Variants in SDK1 observed in about 807,000 individuals in gnomAD.
SDK1 encodes protein sidekick-1.
In SDK1, 157 loss-of-function variants were observed where a neutral mutation model predicts 245.5. That is an observed-to-expected ratio of 0.64 (90% confidence interval 0.56 to 0.73). The LOEUF (loss-of-function observed/expected upper bound fraction) is 0.73, where lower values mean the gene tolerates loss of function less well. SDK1 is among the 30% of genes least tolerant of loss of function. SDK1 has a pLI of 0.00. For missense variants in SDK1, 3,583 were observed against 3,002.3 expected, an observed-to-expected ratio of 1.19 and a Z score of -4.52; for synonymous variants, 1,647 against 1,278.5, an observed-to-expected ratio of 1.29 and a Z score of -6.15.
chr7:3,310,487 A>G (rs1334178804), intron 1 of SDK1, among the ~76,000 whole-genome samples: 2 of 152,176 alleles, frequency 1.3e-5, no homozygotes, highest in African/African-American at 2.4e-5. Flanking sequence ...CAAAAAATAC[A>G]TGGGATTTGG....
chr7:3,931,692 G>A (rs1430046439), intron 5 of SDK1, among the ~76,000 whole-genome samples: 1 of 152,134 alleles, frequency 6.6e-6, no homozygotes, highest in Admixed American at 6.6e-5. Flanking sequence ...GTGGATTTGA[G>A]CTATGCTGGT....
intron 5 of SDK1, among the ~76,000 whole-genome samples, chr7:3,901,368 A>G (rs912676738): frequency 1.3e-5 from 2 of 151,892 alleles, no homozygotes; most frequent in African/African-American, 4.8e-5. Flanking sequence ...TTGTTTTTTT[A>G]ATAGAGACGG....
At chr7:3,560,423 T>G (rs1291742188) in intron 1 of SDK1, among the ~76,000 whole-genome samples, 3 of 152,176 alleles carry the variant, frequency 2.0e-5, no homozygotes, top group African/African-American at 7.2e-5. Flanking sequence ...TTGATGTGTG[T>G]TTTGTTTTTT....
chr7:3,467,484 G>A (rs1053230539), intron 1 of SDK1, among the ~76,000 whole-genome samples: 13 of 151,894 alleles, frequency 8.6e-5, no homozygotes, highest in Admixed American at 2.6e-4. Context: ...AGTAAAACAG[G>A]ATTTTGATTG....
intron 20 of SDK1, among the ~76,000 whole-genome samples, chr7:4,074,856 TTCTCTCTCTCTC>T (rs1159856321): frequency 4.1e-5 from 3 of 72,338 alleles, no homozygotes; most frequent in Non-Finnish European, 7.4e-5. Flanking sequence ...GAGCAAGACT[TTCTCTCTCTCTC>T]TCTCTCTCTC....
chr7:3,597,872 G>A (rs542002597), intron 1 of SDK1, among the ~76,000 whole-genome samples: 1 of 152,106 alleles, frequency 6.6e-6, no homozygotes, highest in Non-Finnish European at 1.5e-5. Flanking sequence ...TCCATGTAGG[G>A]CACTATAAAT....
chr7:3,427,612 C>A (rs971120324), intron 1 of SDK1, among the ~76,000 whole-genome samples: 1 of 151,600 alleles, frequency 6.6e-6, no homozygotes, highest in Non-Finnish European at 1.5e-5. Flanking sequence ...TCTTGTCATA[C>A]GATATAAGAT....
At chr7:3,422,906 C>T (rs949967621) in intron 1 of SDK1, among the ~76,000 whole-genome samples, 1 of 152,238 alleles carries the variant, frequency 6.6e-6, no homozygotes, top group Middle Eastern at 3.4e-3. Context: ...TTGCTAAGTA[C>T]TTAATATTGT....
intron 27 of SDK1, 82 bp downstream of exon 27, chr7:4,130,179 G>A (rs1182164630): frequency 8.7e-6 from 12 of 1,382,054 alleles, no homozygotes; most frequent in Middle Eastern, 2.4e-4. Flanking sequence ...GATTGTTGTC[G>A]CTTTTAACTT....
At chr7:3,589,096 AATT>A (rs1331680882) in intron 1 of SDK1, among the ~76,000 whole-genome samples, 1 of 152,224 alleles carries the variant, frequency 6.6e-6, no homozygotes, top group African/African-American at 2.4e-5. Context: ...AGCAGGGAGA[AATT>A]ATTACCCCCT....
At chr7:3,755,649 G>C (rs533243422) in intron 4 of SDK1, among the ~76,000 whole-genome samples, 2 of 152,026 alleles carry the variant, frequency 1.3e-5, no homozygotes, top group Non-Finnish European at 2.9e-5. Context: ...TCTCCGTGTC[G>C]TTCATTTGTA....
intron 4 of SDK1, among the ~76,000 whole-genome samples, chr7:3,800,281 G>C (rs751521048): frequency 6.6e-6 from 1 of 152,120 alleles, no homozygotes; most frequent in Non-Finnish European, 1.5e-5. Context: ...AAGGATCTTA[G>C]TTCCCATTAT....
At chr7:3,812,219 G>C (rs1305673830) in intron 4 of SDK1, among the ~76,000 whole-genome samples, 4 of 149,420 alleles carry the variant, frequency 2.7e-5, no homozygotes. Flanking sequence ...TGCAAGCTCA[G>C]AAAGGAATAG....
chr7:3,754,414 G>C (rs1445883361), intron 4 of SDK1, among the ~76,000 whole-genome samples: 3 of 152,156 alleles, frequency 2.0e-5, no homozygotes, highest in African/African-American at 7.2e-5. Flanking sequence ...TGGTGAGAAA[G>C]AAAACTCTTT....
At chr7:3,395,786 A>C (rs1450072333) in intron 1 of SDK1, among the ~76,000 whole-genome samples, 1 of 151,750 alleles carries the variant, frequency 6.6e-6, no homozygotes, top group African/African-American at 2.4e-5. Flanking sequence ...AAAGTTGTTA[A>C]TATTTCTTTG....
intron 28 of SDK1, among the ~76,000 whole-genome samples, chr7:4,141,584 A>C (rs1407240379): frequency 6.6e-6 from 1 of 152,230 alleles, no homozygotes; most frequent in Non-Finnish European, 1.5e-5. Context: ...ACAACTCTCC[A>C]ACATATTAAG....
chr7:3,763,244 ATTGT>A (rs1780158792), intron 4 of SDK1, among the ~76,000 whole-genome samples: 1 of 152,014 alleles, frequency 6.6e-6, no homozygotes, highest in African/African-American at 2.4e-5. Flanking sequence ...AGTACTTTTG[ATTGT>A]TTAATATTTC....
At chr7:3,741,535 T>C (rs1230062288) in intron 4 of SDK1, among the ~76,000 whole-genome samples, 1 of 152,254 alleles carries the variant, frequency 6.6e-6, no homozygotes, top group Non-Finnish European at 1.5e-5. Flanking sequence ...TTCTTGAATA[T>C]TGGATTCATA....
intron 1 of SDK1, among the ~76,000 whole-genome samples, chr7:3,517,600 C>T (rs554436076): frequency 6.6e-5 from 10 of 152,288 alleles, no homozygotes; most frequent in East Asian, 1.9e-4. Flanking sequence ...ACTTGCAGCT[C>T]AGAGCCTGTC....
Sources: allele counts gnomAD v4.1 joint callset (sites outside exome capture counted in the v4.1 genomes callset), GRCh38; gene constraint gnomAD v4.1.1; transcripts MANE v1.5; gene names NCBI Gene and HGNC (gene_info 2026-07-23, HGNC 2026-07-21).